RALGPS1: variants seen among roughly 807,000 people sequenced by gnomAD.
RALGPS1 encodes ras-specific guanine nucleotide-releasing factor RalGPS1.
Under a neutral mutation model 78.8 loss-of-function variants are expected in RALGPS1, and 19 were observed. The ratio of observed to expected loss-of-function variants is 0.24; its 90% confidence interval spans 0.17 to 0.35. The LOEUF (loss-of-function observed/expected upper bound fraction) is 0.35, where lower values mean the gene tolerates loss of function less well. Among genes scored for constraint, RALGPS1 ranks in the 10% least tolerant of loss-of-function variants. The pLI, the probability that RALGPS1 is intolerant of heterozygous loss-of-function variation, is 1.00. For synonymous variants in RALGPS1, 228 were observed against 256.3 expected (o/e 0.89, Z 1.06); for missense variants, 454 against 688.3 (o/e 0.66, Z 3.81).
intron 11 of RALGPS1, among the ~76,000 whole-genome samples, chr9:127,187,505 C>T (rs1248803621): frequency 3.9e-5 from 6 of 152,230 alleles, no homozygotes; most frequent in African/African-American, 1.4e-4. Flanking sequence ...TCTTGTGGCA[C>T]AGGTACAGAG....
chr9:126,982,444 T>A (rs192558849), intron 4 of RALGPS1, among the ~76,000 whole-genome samples: 1 of 152,298 alleles, frequency 6.6e-6, no homozygotes, highest in African/African-American at 2.4e-5. Flanking sequence ...AGGGTTTATT[T>A]GGAGAATGAA....
chr9:127,073,576 A>T (rs1465798023), intron 8 of RALGPS1, among the ~76,000 whole-genome samples: 1 of 152,146 alleles, frequency 6.6e-6, no homozygotes, highest in African/African-American at 2.4e-5. Context: ...CAATAAACAT[A>T]CAAGTACAGT....
At chr9:127,093,245 G>T (rs538653737) in intron 8 of RALGPS1, among the ~76,000 whole-genome samples, 1 of 152,150 alleles carries the variant, frequency 6.6e-6, no homozygotes, top group Non-Finnish European at 1.5e-5. Context: ...GAACCAGGGA[G>T]CCCAGAGGAT....
intron 8 of RALGPS1, among the ~76,000 whole-genome samples, chr9:127,113,605 G>A (rs2137331995): frequency 7.4e-6 from 1 of 134,500 alleles, no homozygotes; most frequent in South Asian, 2.5e-4. Context: ...ACAAAGAAAA[G>A]CAAATCCAAC....
At chr9:127,210,356 T>C (rs989034496) in intron 14 of RALGPS1, 1 of 346,508 alleles carries the variant, frequency 2.9e-6, no homozygotes. Context: ...GGCTGTACAG[T>C]GTTTGCTATG....
At chr9:126,926,627 T>C (rs1033774937) in intron 1 of RALGPS1, among the ~76,000 whole-genome samples, 1 of 152,026 alleles carries the variant, frequency 6.6e-6, no homozygotes. Context: ...GGTGTTGTCT[T>C]GTGGTCAGTG....
intron 12 of RALGPS1, among the ~76,000 whole-genome samples, chr9:127,195,669 G>C (rs979041683): frequency 6.6e-6 from 1 of 152,226 alleles, no homozygotes; most frequent in Non-Finnish European, 1.5e-5. Context: ...ATAGCTGGGG[G>C]ACATGCGTGA....
At chr9:126,939,510 A>C (rs960387007) in intron 1 of RALGPS1, among the ~76,000 whole-genome samples, 4 of 152,074 alleles carry the variant, frequency 2.6e-5, no homozygotes, top group African/African-American at 9.7e-5. Flanking sequence ...AGTGCTTGGC[A>C]CCCCCAGTAC....
intron 18 of RALGPS1, among the ~76,000 whole-genome samples, chr9:127,215,704 A>C (rs1026620941): frequency 8.5e-5 from 13 of 152,178 alleles, no homozygotes; most frequent in Admixed American, 5.9e-4. Context: ...GCACATCCCC[A>C]GCTGTCAAGG....
At chr9:127,032,046 T>TG (rs1369543341) in intron 4 of RALGPS1, among the ~76,000 whole-genome samples, 10 of 152,260 alleles carry the variant, frequency 6.6e-5, no homozygotes. Flanking sequence ...GTCTGAATAC[T>TG]GCCTTGTTGC....
intron 1 of RALGPS1, among the ~76,000 whole-genome samples, chr9:126,944,058 G>C (rs1368835028): frequency 6.6e-6 from 1 of 152,248 alleles, no homozygotes; most frequent in Non-Finnish European, 1.5e-5. Context: ...TGGGCTCGCA[G>C]CCCATGGGGG....
rs141201186 is a variant in RALGPS1, at chr9:127,198,433, G to A, written c.1196-582G>A. On this transcript the variant is annotated intron_variant, in intron 13 of 18. Coordinates refer to ENST00000259351, the MANE Select transcript of RALGPS1 (RefSeq NM_014636.3). ...TCCTCCAAGAGGGCTTAGAGAGCCCGGGAGAAGCAGGGTCGCCCATTCAGC... is the reference window on the plus strand; with the variant it reads ...TCCTCCAAGAGGGCTTAGAGAGCCCAGGAGAAGCAGGGTCGCCCATTCAGC... Among the ~76,000 whole-genome samples the A allele has an allele frequency of 6.8e-4, 104 of 152,310 alleles. 1 individual carries two copies. The highest frequency in any genetic ancestry group is 2.4e-3 in the African/African-American group (98 of 41,576).
Position 126,965,890 on chromosome 9 carries a change from C to G in RALGPS1, c.104C>G (p.Ala35Gly). The change falls in exon 3 of 19, where the codon GCC becomes GGC. Residue 35 changes from alanine to glycine, a missense_variant. By Grantham distance (60) the Ala-to-Gly change is moderately conservative. Transcript: ENST00000259351. ...DSLEGQSCDY[A>G]SKSYDAVVFD... Reference sequence around the variant, plus strand: ...CTGGAGGGCCAGAGCTGCGACTATGCCAGCAAGAGCTATGATGCCGTTGTC... The same window carrying G: ...CTGGAGGGCCAGAGCTGCGACTATGGCAGCAAGAGCTATGATGCCGTTGTC... 6.2e-7 allele frequency: 1 copy of G among 1,614,138 alleles called. No individual in the cohort carries two copies. Among genetic ancestry groups the G allele is most frequent in the Non-Finnish European group, 8.5e-7 (1 of 1,179,986 alleles).
At chr9:126,968,148 G>A (rs950233631) in intron 3 of RALGPS1, among the ~76,000 whole-genome samples, 1 of 151,822 alleles carries the variant, frequency 6.6e-6, no homozygotes, top group Non-Finnish European at 1.5e-5. Context: ...GATTATAGGC[G>A]CATACCACCA....
intron 14 of RALGPS1, among the ~76,000 whole-genome samples, chr9:127,208,152 C>A (rs922787348): frequency 6.6e-6 from 1 of 152,246 alleles, no homozygotes; most frequent in African/African-American, 2.4e-5. Context: ...CAGGCAGCAA[C>A]TGCCAGGAGA....
At chr9:126,947,192 C>A (rs1204735468) in intron 1 of RALGPS1, among the ~76,000 whole-genome samples, 1 of 152,128 alleles carries the variant, frequency 6.6e-6, no homozygotes, top group African/African-American at 2.4e-5. Flanking sequence ...AGGGTGTTAC[C>A]AGAAACAATT....
intron 4 of RALGPS1, among the ~76,000 whole-genome samples, chr9:127,020,421 T>G (rs1005391513): frequency 3.3e-5 from 5 of 152,224 alleles, no homozygotes; most frequent in African/African-American, 1.2e-4. Flanking sequence ...TGAACTGTGC[T>G]GAGACACATG....
In RALGPS1 at chr9:127,084,634, T is replaced by C. The variant is rs375761220; in HGVS notation, c.610+15278T>C. On this transcript the variant is annotated intron_variant, in intron 8 of 18. Transcript: ENST00000259351. ...TCCCTCTCACTTGACTGAAGGTGGA[T>C]GAAAACACCCCTCTTCCTTGTGGTA... 2.0e-5 allele frequency among the ~76,000 whole-genome samples: 3 copies of C among 152,196 alleles called. No homozygotes were observed. In the South Asian group the frequency reaches 6.2e-4, roughly 31 times the overall value.
intron 1 of RALGPS1, among the ~76,000 whole-genome samples, chr9:126,958,923 C>T (rs1038492050): frequency 2.0e-5 from 3 of 152,146 alleles, no homozygotes; most frequent in Non-Finnish European, 4.4e-5. Flanking sequence ...TTTGCCAATA[C>T]TTGTTATGGC....
Sources: allele counts gnomAD v4.1 joint callset (sites outside exome capture counted in the v4.1 genomes callset), GRCh38; gene constraint gnomAD v4.1.1; transcripts MANE v1.5; gene names NCBI Gene and HGNC (gene_info 2026-07-23, HGNC 2026-07-21).